Variants in DES observed in about 807,000 individuals in gnomAD.
DES encodes cardiomyopathy, dilated 1F (autosomal dominant).
DES carries 34 observed loss-of-function variants against 55.1 expected under a neutral mutation model. The observed-to-expected ratio is 0.62, with a 90% CI of 0.47 to 0.82. The LOEUF (loss-of-function observed/expected upper bound fraction) is 0.82. Among genes scored for constraint, DES ranks in the 40% least tolerant of loss-of-function variants. The pLI is 0.00. For synonymous variants in DES, 259 were observed against 270.8 expected (o/e 0.96, Z 0.43); for missense variants, 596 against 645.9 (o/e 0.92, Z 0.84).
chr2:219,421,667 C>CA, intron 6 of DES, 107 bp downstream of exon 6: 1 of 1,033,778 alleles, frequency 9.7e-7, no homozygotes, highest in Non-Finnish European at 1.4e-6. Context: ...GACCTGGAAA[C>CA]AATTTTTTTT....
In DES at chr2:219,419,028, G is replaced by A. The variant is rs1025323214; in HGVS notation, c.566G>A (p.Arg189Gln). The A allele has an allele frequency of 3.3e-5, 51 of 1,542,084 alleles. No homozygotes were observed. Among genetic ancestry groups the A allele is most frequent in the Non-Finnish European group, 3.3e-5 (38 of 1,147,034 alleles). The change falls in exon 1 of 9, where the codon CGG (arginine) becomes CAG (glutamine). Residue 189 changes from arginine to glutamine, a missense_variant. By Grantham distance (43) the Arg-to-Gln change is conservative. Coordinates refer to ENST00000373960, the MANE Select transcript of DES (RefSeq NM_001927.4). This position sits in a 1 kb window ranked among gnomAD's most constrained non-coding sequence, Gnocchi z 4.3. Reference protein sequence around the residue: ...ERDNLLDDLQRLKAKLQEEIQ... With the variant: ...ERDNLLDDLQQLKAKLQEEIQ... ...GACAACCTGCTCGACGACCTGCAGC[G>A]GCTCAAGGCCAAGTGAGGGCCCGGC... is the stretch of plus-strand genomic sequence containing the variant.
At chr2:219,422,568 G>A (rs574569640) in intron 6 of DES, among the ~76,000 whole-genome samples, 43 of 146,572 alleles carry the variant, frequency 2.9e-4, no homozygotes, top group African/African-American at 9.6e-4. Context: ...AGGCTCAAGC[G>A]GTTCTCCTGT....
chr2:219,422,915 G>A (rs1427043171), intron 6 of DES, among the ~76,000 whole-genome samples: 1 of 152,122 alleles, frequency 6.6e-6, no homozygotes, highest in East Asian at 1.9e-4. Context: ...CCAAAAACTG[G>A]TACCCCTTGA....
chr2:219,419,056 C>G lies in DES; in HGVS notation c.578+16C>G. On this transcript the variant is annotated intron_variant, in intron 1 of 8. Coordinates refer to ENST00000373960, the MANE Select transcript of DES (RefSeq NM_001927.4). This position sits in a 1 kb window ranked among gnomAD's most constrained non-coding sequence, Gnocchi z 4.3. ...TCAAGGCCAAGTGAGGGCCCGGCAC[C>G]CCAGACTCCTCTTTCTGCGGGCAGG... The G allele has an allele frequency of 6.5e-7, 1 of 1,537,038 alleles. No homozygotes were observed. The highest frequency in any genetic ancestry group is 2.4e-5 in the East Asian group (1 of 40,874).
At chr2:219,425,420 A>C (rs1954517528) in intron 7 of DES, 2 of 536,162 alleles carry the variant, frequency 3.7e-6, no homozygotes, top group Admixed American at 3.0e-5. Flanking sequence ...CTGCACATGG[A>C]GCAAATCTGT....
chr2:219,420,329 A>G lies in DES; in HGVS notation c.718A>G (p.Lys240Glu), dbSNP rs1954413354. 1 of 1,614,092 alleles carries G rather than the reference A, an allele frequency of 6.2e-7. No homozygotes were observed. Among genetic ancestry groups the G allele is most frequent in the Non-Finnish European group, 8.5e-7 (1 of 1,180,030 alleles). ...ESLNEEIAFL[K>E]KVHEEEIREL... ...TCTCAACGAGGAGATCGCGTTCCTT[A>G]AGAAAGTGCATGAAGAGGTATACCT... Residue 240 changes from lysine to glutamate, a missense_variant, in exon 3 of 9, where the codon AAG becomes GAG. Transcript: ENST00000373960. This position sits in a 1 kb window ranked among gnomAD's most constrained non-coding sequence, Gnocchi z 6.0.
intron 6 of DES, among the ~76,000 whole-genome samples, chr2:219,422,950 T>A (rs1954471766): frequency 6.6e-6 from 1 of 152,204 alleles, no homozygotes; most frequent in Admixed American, 6.5e-5. Context: ...ATATCTGAAA[T>A]TTTTAAAAAG....
At chr2:219,425,447 C>T (rs569929204) in intron 7 of DES, 41 of 582,856 alleles carry the variant, frequency 7.0e-5, no homozygotes, top group Non-Finnish European at 1.2e-4. Flanking sequence ...CTGAGACCAT[C>T]TAAACTATGG....
In DES at chr2:219,425,688, T is replaced by C. The variant is rs1575016801; in HGVS notation, c.1314T>C (p.Ser438=). 1 of 1,590,804 alleles carries C rather than the reference T, an allele frequency of 6.3e-7. No homozygotes were observed. The highest frequency in any genetic ancestry group is 8.6e-7 in the Non-Finnish European group (1 of 1,168,496). ...AAACCAGCCCTGAGCAAAGGGGTTC[T>C]GAGGTCCATACCAAGAAGACGGTGA... ...FRETSPEQRG[S]EVHTKKTVMI... Residue 438 remains serine (S), a synonymous_variant, in exon 8 of 9, where the codon TCT becomes TCC. Transcript: ENST00000373960.
rs1230637572 is a variant in DES at position 219,420,991 on chromosome 2, C to T, written c.1023+38C>T. 1.2e-6 allele frequency: 2 copies of T among 1,605,474 alleles called. No individual in the cohort carries two copies. Among genetic ancestry groups the T allele is most frequent in the Admixed American group, 1.7e-5 (1 of 59,106 alleles). The stretch of plus-strand genomic sequence containing the variant: ...CCACCTGGCCAGGCCCTGCCCCTTC[C>T]TGTCTGCAGTTCACACCCTCACTTT... On this transcript the variant is annotated intron_variant, in intron 5 of 8. Coordinates refer to ENST00000373960, the MANE Select transcript of DES (RefSeq NM_001927.4). The surrounding 1 kb of genome is among the most constrained non-coding windows in gnomAD (Gnocchi z 6.0).
intron 6 of DES, among the ~76,000 whole-genome samples, chr2:219,422,230 TAGAG>T (rs1274178327): frequency 1.3e-5 from 2 of 150,604 alleles, no homozygotes; most frequent in African/African-American, 4.9e-5. Context: ...TAGAGGCAAA[TAGAG>T]AGAGGGAGGG....
At position 219,419,001 on chromosome 2, in the gene DES, G is replaced by A; in HGVS notation, c.539G>A (p.Arg180His). ...CAGCGCGCGCGCGTCGACGTCGAGC[G>A]CGACAACCTGCTCGACGACCTGCAG... ...TNQRARVDVE[R>H]DNLLDDLQRL... The change falls in exon 1 of 9, where the codon CGC (arginine) becomes CAC (histidine). Residue 180 changes from arginine to histidine, a missense_variant. Arg to His is a conservative substitution (Grantham distance 29, BLOSUM62 0). Transcript: ENST00000373960. The surrounding 1 kb of genome is among the most constrained non-coding windows in gnomAD (Gnocchi z 4.3). 1 of 1,548,120 alleles carries A rather than the reference G, an allele frequency of 6.5e-7. No individual in the cohort carries two copies. Among genetic ancestry groups the A allele is most frequent in the South Asian group, 1.2e-5 (1 of 84,144 alleles).
chr2:219,418,861 C>T lies in DES; in HGVS notation c.399C>T (p.Asn133=). Residue 133 remains asparagine, a synonymous_variant, in exon 1 of 9, where the codon AAC becomes AAT. Coordinates refer to ENST00000373960, the MANE Select transcript of DES (RefSeq NM_001927.4). ...IEKVRFLEQQ[N]AALAAEVNRL... is the part of the protein sequence containing the mutation. Reference sequence around the variant, plus strand: ...AGGTGCGCTTCCTGGAGCAGCAGAACGCGGCGCTCGCCGCCGAAGTGAACC... The same window carrying T: ...AGGTGCGCTTCCTGGAGCAGCAGAATGCGGCGCTCGCCGCCGAAGTGAACC... 1.9e-6 allele frequency: 3 copies of T among 1,577,454 alleles called. No homozygotes were observed. The highest frequency in any genetic ancestry group is 2.6e-6 in the Non-Finnish European group (3 of 1,161,946).
chr2:219,424,208 G>T (rs1179593547), intron 7 of DES, among the ~76,000 whole-genome samples: 2 of 152,260 alleles, frequency 1.3e-5, no homozygotes, highest in African/African-American at 4.8e-5. Flanking sequence ...TGTCTGTTTG[G>T]CACATTGCCA....
In DES at chr2:219,421,325, C is replaced by T. The variant is rs766617280; in HGVS notation, c.1024-15C>T. On this transcript the variant is annotated splice_polypyrimidine_tract_variant and intron_variant, in intron 5 of 8. Coordinates refer to ENST00000373960, the MANE Select transcript of DES (RefSeq NM_001927.4). ...CCTCTTCCCTTCCTTGACCTGGGTT[C>T]CCCCTCTCCTGCAGAACGATTCCCT... 2 of 1,613,756 alleles carry T rather than the reference C, an allele frequency of 1.2e-6. No homozygotes were observed. Among genetic ancestry groups the T allele is most frequent in the Non-Finnish European group, 1.7e-6 (2 of 1,179,748 alleles).
chr2:219,420,145 C>CT lies in DES; in HGVS notation c.629_630insT (p.Phe211LeufsTer14). On this transcript the variant is annotated frameshift_variant, in exon 2 of 9. Transcript: ENST00000373960. LOFTEE classifies it high-confidence loss of function. The surrounding 1 kb of genome is among the most constrained non-coding windows in gnomAD (Gnocchi z 6.0). ...GAAGAAGCAGAGAACAATTTGGCTG[C>CT]CTTCCGAGCGGTGAGTGCCCTTCTT... 1 of 1,614,226 alleles carries CT rather than the reference C, an allele frequency of 6.2e-7. No homozygotes were observed. Among genetic ancestry groups the CT allele is most frequent in the Non-Finnish European group, 8.5e-7 (1 of 1,180,032 alleles).
chr2:219,423,747 T>C (rs1281083306), intron 6 of DES, 30 bp from the exon 7 acceptor site: 2 of 1,612,256 alleles, frequency 1.2e-6, no homozygotes, highest in Admixed American at 3.3e-5. Context: ...GGTTCTTAAC[T>C]CTTAGGAGGT....
chr2:219,421,669 ATTT>A (rs374091713), intron 6 of DES, 109 bp downstream of exon 6: 56 of 826,508 alleles, frequency 6.8e-5, no homozygotes, highest in Non-Finnish European at 8.7e-5. Context: ...CCTGGAAACA[ATTT>A]TTTTTTTTTT....
rs1954369865 is a variant in DES, at chr2:219,418,737, C to T, written c.275C>T (p.Ser92Leu). ...SYGAGELLDFSLADAVNQEFL... is the reference protein window; with the variant it reads ...SYGAGELLDFLLADAVNQEFL... ...GGCGCAGGCGAGCTGCTGGACTTCT[C>T]ACTGGCCGACGCGGTGAACCAGGAG... The change falls in exon 1 of 9, where the codon TCA becomes TTA. Residue 92 changes from serine (S) to leucine (L), a missense_variant. Coordinates refer to ENST00000373960, the MANE Select transcript of DES (RefSeq NM_001927.4). 6.4e-7 allele frequency: 1 copy of T among 1,561,760 alleles called. No individual in the cohort carries two copies. Among genetic ancestry groups the T allele is most frequent in the Non-Finnish European group, 8.7e-7 (1 of 1,152,432 alleles).
Sources: allele counts gnomAD v4.1 joint callset (sites outside exome capture counted in the v4.1 genomes callset), GRCh38; gene constraint gnomAD v4.1.1; non-coding constraint Gnocchi (gnomAD v3.1); transcripts MANE v1.5; gene names NCBI Gene and HGNC (gene_info 2026-07-23, HGNC 2026-07-21).